Variants in CDH12 observed in about 807,000 individuals in gnomAD.
CDH12 encodes the protein cadherin 12, also known as cadherin-12.
A neutral mutation model predicts 74.1 loss-of-function variants in CDH12; 41 were observed. The observed-to-expected ratio is 0.55, with a 90% CI of 0.43 to 0.72. CDH12 has a LOEUF of 0.72. Among genes scored for constraint, CDH12 ranks in the 30% least tolerant of loss-of-function variants. CDH12 has a pLI of 0.00. For synonymous variants in CDH12, 399 were observed against 355.0 expected, an observed-to-expected ratio of 1.12 and a Z score of -1.39; for missense variants, 945 against 977.2, an observed-to-expected ratio of 0.97 and a Z score of 0.44.
In CDH12 at chr5:21,945,378, A is replaced by T. The variant is rs188521757; in HGVS notation, c.526+29713T>A. Among the ~76,000 whole-genome samples, 6 of 144,600 alleles carry T rather than the reference A, an allele frequency of 4.1e-5. No individual in the cohort carries two copies. The East Asian group carries it at 1.2e-3, about 30-fold the overall frequency. The allele number at this position is 144,600 out of a possible 152,430, so 94.9% of individuals were successfully genotyped here. On this transcript the variant is annotated intron_variant, in intron 6 of 14. Coordinates refer to ENST00000382254, the MANE Select transcript of CDH12 (RefSeq NM_004061.5). The stretch of plus-strand genomic sequence containing the variant: ...GAGATGGAGGTTACAGTGAGCCAAG[A>T]TCATACCGCTGCACTCCAGCCTGGG...
intron 1 of CDH12, among the ~76,000 whole-genome samples, chr5:22,786,299 T>C (rs1163810268): frequency 6.6e-6 from 1 of 152,114 alleles, no homozygotes; most frequent in South Asian, 2.1e-4. Context: ...GAATAACATA[T>C]AATAGGGCCA....
intron 6 of CDH12, among the ~76,000 whole-genome samples, chr5:21,895,425 G>C (rs1753079323): frequency 6.6e-6 from 1 of 152,180 alleles, no homozygotes; most frequent in Non-Finnish European, 1.5e-5. Flanking sequence ...CTTCCTATAT[G>C]TCATTAATGC....
intron 3 of CDH12, among the ~76,000 whole-genome samples, chr5:22,308,666 C>A (rs543149150): frequency 3.4e-4 from 51 of 152,170 alleles, no homozygotes; most frequent in Admixed American, 3.0e-3. Context: ...TCAGGATAAT[C>A]TCCCTATTTG....
At chr5:21,819,307 A>T (rs1485846825) in intron 8 of CDH12, among the ~76,000 whole-genome samples, 5 of 152,056 alleles carry the variant, frequency 3.3e-5, no homozygotes, top group African/African-American at 1.2e-4. Flanking sequence ...CTGTTTAATG[A>T]GGCAAGAAAG....
chr5:22,476,064 T>C (rs995951801), intron 2 of CDH12, among the ~76,000 whole-genome samples: 1 of 152,110 alleles, frequency 6.6e-6, no homozygotes, highest in African/African-American at 2.4e-5. Flanking sequence ...TCCCTTCATG[T>C]AACTATTCTA....
At chr5:22,771,657 T>C (rs1252220652) in intron 1 of CDH12, among the ~76,000 whole-genome samples, 3 of 152,126 alleles carry the variant, frequency 2.0e-5, no homozygotes, top group African/African-American at 7.2e-5. Flanking sequence ...AAGTAACAAT[T>C]ATAGTAAAAA....
intron 1 of CDH12, among the ~76,000 whole-genome samples, chr5:22,617,582 T>C (rs1737754791): frequency 6.6e-6 from 1 of 152,116 alleles, no homozygotes; most frequent in African/African-American, 2.4e-5. Context: ...TGCCTATGTT[T>C]TAACTATTTC....
chr5:22,489,401 C>T (rs928709552), intron 2 of CDH12, among the ~76,000 whole-genome samples: 1 of 151,864 alleles, frequency 6.6e-6, no homozygotes, highest in Non-Finnish European at 1.5e-5. Context: ...CAATCACTTT[C>T]ACACCAACCT....
intron 3 of CDH12, among the ~76,000 whole-genome samples, chr5:22,238,150 A>T (rs1752623624): frequency 6.6e-6 from 1 of 152,194 alleles, no homozygotes; most frequent in Non-Finnish European, 1.5e-5. Flanking sequence ...CAGTGTTTAA[A>T]ATAGATTCTG....
intron 1 of CDH12, among the ~76,000 whole-genome samples, chr5:22,698,128 T>G (rs1048792661): frequency 7.2e-6 from 1 of 138,640 alleles, no homozygotes; most frequent in Non-Finnish European, 1.6e-5. Context: ...AGGGCTTTTT[T>G]TTTTTTTTTT....
At chr5:22,540,691 G>A (rs376536133) in intron 1 of CDH12, among the ~76,000 whole-genome samples, 1 of 152,068 alleles carries the variant, frequency 6.6e-6, no homozygotes, top group Non-Finnish European at 1.5e-5. Flanking sequence ...TAAATTTAAA[G>A]AATACATTTG....
At chr5:22,193,539 C>G (rs1016022470) in intron 4 of CDH12, among the ~76,000 whole-genome samples, 4 of 152,036 alleles carry the variant, frequency 2.6e-5, no homozygotes, top group Admixed American at 2.6e-4. Flanking sequence ...TCAACCTGTT[C>G]CTTGAATGGG....
chr5:22,602,311 T>G (rs1473325472), intron 1 of CDH12, among the ~76,000 whole-genome samples: 1 of 152,170 alleles, frequency 6.6e-6, no homozygotes, highest in East Asian at 1.9e-4. Flanking sequence ...TGGCTTAATC[T>G]TGATATTCTA....
intron 1 of CDH12, among the ~76,000 whole-genome samples, chr5:22,552,496 T>C (rs1298981974): frequency 6.6e-6 from 1 of 151,892 alleles, no homozygotes; most frequent in Non-Finnish European, 1.5e-5. Context: ...TGGCATGATC[T>C]TGGCTCACAG....
At chr5:22,049,416 C>T (rs986002962) in intron 5 of CDH12, among the ~76,000 whole-genome samples, 4 of 152,094 alleles carry the variant, frequency 2.6e-5, no homozygotes, top group Non-Finnish European at 1.5e-5. Context: ...TTCTAGTCCT[C>T]TTCCTTTTTC....
At chr5:22,539,321 G>A (rs905212095) in intron 1 of CDH12, among the ~76,000 whole-genome samples, 1 of 152,100 alleles carries the variant, frequency 6.6e-6, no homozygotes, top group Non-Finnish European at 1.5e-5. Context: ...CATGGAAGTG[G>A]GTCTCCATAA....
Position 21,752,203 on chromosome 5 carries a change from T to G in CDH12, c.1919A>C (p.Gln640Pro), listed in dbSNP as rs1490981455. 1 of 1,613,832 alleles carries G rather than the reference T, an allele frequency of 6.2e-7. No individual in the cohort carries two copies. ...IVVLYVALRR[Q>P]KKKDTLMTSK... ...GGTCATCAGGGTGTCTTTTTTCTTC[T>G]GCCTTCGCAGTGCTACATACAGTAC... The change falls in exon 15 of 15, where the codon CAG (glutamine) becomes CCG (proline). Residue 640 changes from glutamine to proline, a missense_variant. Gln to Pro is a moderately conservative substitution (Grantham distance 76). Transcript: ENST00000382254.
At chr5:22,463,762 C>T (rs1333304997) in intron 2 of CDH12, among the ~76,000 whole-genome samples, 1 of 151,446 alleles carries the variant, frequency 6.6e-6, no homozygotes, top group Non-Finnish European at 1.5e-5. Context: ...GTTATTTATC[C>T]CCTTTATTGT....
intron 11 of CDH12, among the ~76,000 whole-genome samples, chr5:21,781,858 A>G (rs907610980): frequency 1.3e-5 from 2 of 152,208 alleles, no homozygotes; most frequent in Admixed American, 6.5e-5. Context: ...CGAAGGAATG[A>G]AAGTTCTGAT....
Sources: allele counts gnomAD v4.1 joint callset (sites outside exome capture counted in the v4.1 genomes callset), GRCh38; gene constraint gnomAD v4.1.1; transcripts MANE v1.5; gene names NCBI Gene and HGNC (gene_info 2026-07-23, HGNC 2026-07-21).